Variants in SCFD2 observed in about 807,000 individuals in gnomAD.
The protein encoded by SCFD2 is sec1 family domain containing 2, also known as sec1 family domain-containing protein 2.
In SCFD2, 54 loss-of-function variants were observed where a neutral mutation model predicts 58.9. That is an observed-to-expected ratio of 0.92 (90% CI 0.74 to 1.15). SCFD2 has a LOEUF of 1.15. Among genes scored for constraint, SCFD2 ranks in the 50% most tolerant of loss-of-function variants. SCFD2 has a pLI of 0.00. For missense variants in SCFD2, 805 were observed against 836.6 expected (o/e 0.96, Z 0.47); for synonymous variants, 321 against 335.9 (o/e 0.96, Z 0.49).
chr4:53,061,193 T>C (rs1320324389), intron 5 of SCFD2, among the ~76,000 whole-genome samples: 1 of 152,098 alleles, frequency 6.6e-6, no homozygotes, highest in African/African-American at 2.4e-5. Flanking sequence ...TGAACATCCA[T>C]TAGTGAAGAA....
intron 5 of SCFD2, chr4:52,949,426 A>G (rs1577852752): frequency 6.6e-6 from 1 of 152,154 alleles, no homozygotes; most frequent in Admixed American, 6.5e-5. Flanking sequence ...TTCATCTCCC[A>G]CAGCCATTTG....
intron 5 of SCFD2, among the ~76,000 whole-genome samples, chr4:53,113,422 T>C (rs950539871): frequency 2.6e-5 from 4 of 152,206 alleles, no homozygotes; most frequent in South Asian, 4.1e-4. Flanking sequence ...AAAATACTGA[T>C]GGAGAACAGA....
chr4:53,190,620 T>C (rs1382788286), intron 4 of SCFD2, among the ~76,000 whole-genome samples: 1 of 152,214 alleles, frequency 6.6e-6, no homozygotes, highest in Non-Finnish European at 1.5e-5. Flanking sequence ...TTATTTATTT[T>C]CTTCATCGTC....
At chr4:53,034,633 A>T (rs1457275418) in intron 5 of SCFD2, among the ~76,000 whole-genome samples, 3 of 152,218 alleles carry the variant, frequency 2.0e-5, no homozygotes, top group Non-Finnish European at 4.4e-5. Context: ...ATGTTTCAGG[A>T]TACAAAATCA....
intron 5 of SCFD2, among the ~76,000 whole-genome samples, chr4:53,058,395 C>T (rs1000791209): frequency 6.6e-6 from 1 of 151,720 alleles, no homozygotes; most frequent in Non-Finnish European, 1.5e-5. Context: ...ATATAGTTAA[C>T]TGTATATTTA....
intron 7 of SCFD2, among the ~76,000 whole-genome samples, chr4:52,903,623 C>G (rs1237720004): frequency 6.6e-6 from 1 of 152,150 alleles, no homozygotes; most frequent in Non-Finnish European, 1.5e-5. Flanking sequence ...AGAATAAGAC[C>G]CAGATCAGCT....
At chr4:53,258,979 T>C (rs536671906) in intron 4 of SCFD2, among the ~76,000 whole-genome samples, 2 of 152,320 alleles carry the variant, frequency 1.3e-5, no homozygotes, top group Non-Finnish European at 2.9e-5. Context: ...TAATTTGTGA[T>C]GTTGAGCATT....
chr4:53,261,877 T>C (rs1235921321), intron 4 of SCFD2, among the ~76,000 whole-genome samples: 1 of 152,216 alleles, frequency 6.6e-6, no homozygotes, highest in African/African-American at 2.4e-5. Flanking sequence ...GGTCTAGCAG[T>C]AATTGTTTAT....
intron 5 of SCFD2, among the ~76,000 whole-genome samples, chr4:52,927,472 GTTTTC>G (rs1453492033): frequency 6.6e-6 from 1 of 152,086 alleles, no homozygotes; most frequent in Non-Finnish European, 1.5e-5. Context: ...ATTTTAAATT[GTTTTC>G]TTCAATCTTT....
chr4:53,175,735 C>T (rs1727308054), intron 4 of SCFD2, among the ~76,000 whole-genome samples: 2 of 152,130 alleles, frequency 1.3e-5, no homozygotes, highest in African/African-American at 4.8e-5. Flanking sequence ...TGGAAAAGCA[C>T]ACTAGCAGAT....
intron 5 of SCFD2, among the ~76,000 whole-genome samples, chr4:53,055,495 C>A (rs981873866): frequency 1.3e-5 from 2 of 152,036 alleles, no homozygotes; most frequent in Non-Finnish European, 2.9e-5. Context: ...TAAAAACAGG[C>A]CCATTACAAA....
intron 3 of SCFD2, among the ~76,000 whole-genome samples, chr4:53,301,751 C>G (rs1732308777): frequency 6.6e-6 from 1 of 152,160 alleles, no homozygotes; most frequent in Non-Finnish European, 1.5e-5. Flanking sequence ...AGCTTATCCA[C>G]CATGATCAAG....
chr4:53,150,730 C>T (rs750635506), intron 4 of SCFD2, among the ~76,000 whole-genome samples: 1 of 152,168 alleles, frequency 6.6e-6, no homozygotes, highest in Non-Finnish European at 1.5e-5. Flanking sequence ...GGAAACAATA[C>T]CATAAATGCC....
chr4:53,316,716 CTT>C (rs758151989), intron 2 of SCFD2, among the ~76,000 whole-genome samples: 8 of 152,132 alleles, frequency 5.3e-5, no homozygotes, highest in Non-Finnish European at 8.8e-5. Flanking sequence ...CTATCTGGCT[CTT>C]GTCTATTAAA....
intron 5 of SCFD2, among the ~76,000 whole-genome samples, chr4:53,103,909 A>G (rs570784508): frequency 6.7e-6 from 1 of 150,188 alleles, no homozygotes; most frequent in Admixed American, 6.6e-5. Context: ...AAAAAAAAAA[A>G]AAAAAAAGAA....
chr4:53,137,204 A>G (rs913942574), intron 5 of SCFD2, among the ~76,000 whole-genome samples: 5 of 152,214 alleles, frequency 3.3e-5, no homozygotes, highest in African/African-American at 1.2e-4. Flanking sequence ...CCAAGGATGC[A>G]AGTCTTCTGA....
chr4:53,061,307 C>T (rs987423466), intron 5 of SCFD2, among the ~76,000 whole-genome samples: 4 of 152,152 alleles, frequency 2.6e-5, no homozygotes, highest in South Asian at 2.1e-4. Context: ...TCCACTGGCT[C>T]TTCTCACGGA....
intron 5 of SCFD2, among the ~76,000 whole-genome samples, chr4:52,995,444 T>C (rs759074897): frequency 5.9e-5 from 9 of 152,208 alleles, no homozygotes; most frequent in Admixed American, 2.0e-4. Flanking sequence ...GGCCCAGGAA[T>C]TGGGGACCCT....
intron 5 of SCFD2, among the ~76,000 whole-genome samples, chr4:52,922,737 A>G (rs1206824837): frequency 6.6e-6 from 1 of 152,228 alleles, no homozygotes; most frequent in Non-Finnish European, 1.5e-5. Flanking sequence ...CGACTAGAAC[A>G]GCTGGTCATA....
Sources: allele counts gnomAD v4.1 joint callset (sites outside exome capture counted in the v4.1 genomes callset), GRCh38; gene constraint gnomAD v4.1.1; transcripts MANE v1.5; gene names NCBI Gene and HGNC (gene_info 2026-07-23, HGNC 2026-07-21).